The following RELN variants were observed in gnomAD, a reference collection of about 807,000 sequenced individuals.
RELN encodes the protein reelin.
In RELN, 108 loss-of-function variants were observed where a neutral mutation model predicts 427.6. That is an observed-to-expected ratio of 0.25 (90% CI 0.22 to 0.30). The LOEUF is 0.30. RELN is among the 10% of genes least tolerant of loss of function. The pLI is 1.00. For synonymous variants in RELN, 1,524 were observed against 1,513.4 expected (o/e 1.01, Z -0.16); for missense variants, 3,715 against 4,302.8 (o/e 0.86, Z 3.82).
chr7:103,566,563 T>C (rs1830756356), intron 32 of RELN, 38 bp downstream of exon 32: 1 of 1,613,496 alleles, frequency 6.2e-7, no homozygotes, highest in Non-Finnish European at 8.5e-7. Context: ...CTTCATGACC[T>C]AAAAGCTACC....
chr7:103,580,877 G>A (rs1026053514), intron 28 of RELN, among the ~76,000 whole-genome samples: 2 of 152,162 alleles, frequency 1.3e-5, no homozygotes, highest in Admixed American at 6.6e-5. Context: ...TTGTAGCAAT[G>A]ATGTGCCACT....
intron 3 of RELN, among the ~76,000 whole-genome samples, chr7:103,830,218 G>C (rs1483261237): frequency 6.6e-6 from 1 of 151,860 alleles, no homozygotes; most frequent in Non-Finnish European, 1.5e-5. Context: ...TATTTATTGA[G>C]CACATTCTAT....
chr7:103,573,962 C>A lies in RELN; in HGVS notation c.4511+130G>T, dbSNP rs1830938534. ...AAAGCTAAAGTTATCTTCATTTTTA[C>A]ATATCATAATCTATATACAGAAACA... On this transcript the variant is annotated intron_variant, in intron 30 of 64. Coordinates refer to ENST00000428762, the MANE Select transcript of RELN (RefSeq NM_005045.4). The surrounding 1 kb of genome is among the most constrained non-coding windows in gnomAD (Gnocchi z 4.4). The A allele has an allele frequency of 1.3e-6, 1 of 785,658 alleles. No homozygotes were observed. The highest frequency in any genetic ancestry group is 2.1e-5 in the Admixed American group (1 of 46,584). 48.7% of individuals were successfully genotyped at this position (785,658 alleles called of 1,614,324 possible). A position where few individuals can be genotyped will look rare whatever the true frequency, so the allele number is the denominator to read the frequency against.
chr7:103,531,488 C>T (rs1829939136), intron 46 of RELN, among the ~76,000 whole-genome samples: 1 of 152,086 alleles, frequency 6.6e-6, no homozygotes, highest in African/African-American at 2.4e-5. Flanking sequence ...TTTCAGTGTT[C>T]CCTTCCTAGT....
At chr7:103,576,573 C>A (rs994918700) in intron 28 of RELN, among the ~76,000 whole-genome samples, 15 of 152,208 alleles carry the variant, frequency 9.9e-5, no homozygotes, top group Non-Finnish European at 2.9e-5. Flanking sequence ...TTATGGATAT[C>A]TGCAGAAGAG....
chr7:103,877,712 C>G (rs896342554), intron 2 of RELN, among the ~76,000 whole-genome samples: 1 of 152,086 alleles, frequency 6.6e-6, no homozygotes, highest in Non-Finnish European at 1.5e-5. Flanking sequence ...TTTCTCAGGA[C>G]TCCATCTTCC....
At chr7:103,821,636 A>G (rs1793017655) in intron 3 of RELN, among the ~76,000 whole-genome samples, 1 of 152,126 alleles carries the variant, frequency 6.6e-6, no homozygotes, top group African/African-American at 2.4e-5. Flanking sequence ...GCCATCTCAA[A>G]TCTGAGCATT....
chr7:103,498,141 G>C lies in RELN; in HGVS notation c.8779C>G (p.Leu2927Val). The change falls in exon 54 of 65, where the codon CTC becomes GTC. Residue 2927 changes from leucine (L) to valine (V), a missense_variant. Leu to Val is a conservative substitution (Grantham distance 32, BLOSUM62 1). Transcript: ENST00000428762. ...CTCACAGTGGATCCCCCAAAATAGA[G>C]TGCAGTGTCCTCGGCAAGAATTCCA... ...ECGILAEDTA[L>V]YFGGSTVRQA... 6.2e-7 allele frequency: 1 copy of C among 1,614,100 alleles called. No homozygotes were observed. Among genetic ancestry groups the C allele is most frequent in the Non-Finnish European group, 8.5e-7 (1 of 1,180,012 alleles).
intron 2 of RELN, among the ~76,000 whole-genome samples, chr7:103,834,696 G>T (rs960488582): frequency 5.9e-5 from 9 of 152,172 alleles, no homozygotes; most frequent in African/African-American, 1.9e-4. Context: ...CATATGAAAA[G>T]ATATTCAGGA....
At chr7:103,502,287 T>C (rs924510149) in intron 52 of RELN, among the ~76,000 whole-genome samples, 3 of 152,244 alleles carry the variant, frequency 2.0e-5, no homozygotes, top group Admixed American at 2.0e-4. Context: ...ATAATATCTA[T>C]GGGACACTGG....
At chr7:103,553,440 T>C in intron 40 of RELN, 21 bp downstream of exon 40, 2 of 1,554,032 alleles carry the variant, frequency 1.3e-6, no homozygotes, top group Middle Eastern at 1.7e-4. Context: ...AAAGCATTTA[T>C]TATAGAACAA....
At position 103,563,509 on chromosome 7, in the gene RELN, C is replaced by T. The variant is rs1441895666; in HGVS notation, c.5211-1556G>A. The stretch of plus-strand genomic sequence containing the variant: ...TGTTTTAAGCTGTTATCACAAGAGT[C>T]CAAAAGTTTTAAAAAAAGTTTATAT... On this transcript the variant is annotated intron_variant, in intron 34 of 64. Coordinates refer to ENST00000428762, the MANE Select transcript of RELN (RefSeq NM_005045.4). This position sits in a 1 kb window ranked among gnomAD's most constrained non-coding sequence, Gnocchi z 4.1. 6.6e-6 allele frequency among the ~76,000 whole-genome samples: 1 copy of T among 151,732 alleles called. No homozygotes were observed. The highest frequency in any genetic ancestry group is 2.4e-5 in the African/African-American group (1 of 41,260).
chr7:103,757,205 C>G (rs1214531435), intron 4 of RELN, among the ~76,000 whole-genome samples: 1 of 152,108 alleles, frequency 6.6e-6, no homozygotes, highest in African/African-American at 2.4e-5. Context: ...GTATAAAGGC[C>G]TTTACTCTTT....
At position 103,640,746 on chromosome 7, in the gene RELN, G is replaced by T; in HGVS notation, c.2003-137C>A. 1.2e-6 allele frequency: 1 copy of T among 800,750 alleles called. No individual in the cohort carries two copies. The highest frequency in any genetic ancestry group is 2.1e-6 in the Non-Finnish European group (1 of 474,986). 49.6% of individuals were successfully genotyped at this position (800,750 alleles called of 1,614,324 possible). A position where few individuals can be genotyped will look rare whatever the true frequency, so the allele number is the denominator to read the frequency against. On this transcript the variant is annotated intron_variant, in intron 16 of 64. Coordinates refer to ENST00000428762, the MANE Select transcript of RELN (RefSeq NM_005045.4). This position sits in a 1 kb window ranked among gnomAD's most constrained non-coding sequence, Gnocchi z 4.1. ...AACCCAGGGTGACATATGGAATGCTGTGTAATAAGGTAAGTGCTTAGTTAC... is the reference window on the plus strand; with the variant it reads ...AACCCAGGGTGACATATGGAATGCTTTGTAATAAGGTAAGTGCTTAGTTAC...
At chr7:103,793,165 A>G (rs1792209412) in intron 3 of RELN, among the ~76,000 whole-genome samples, 1 of 152,188 alleles carries the variant, frequency 6.6e-6, no homozygotes, top group African/African-American at 2.4e-5. Flanking sequence ...TTTGCAATGT[A>G]TAAGTAGTTC....
intron 3 of RELN, among the ~76,000 whole-genome samples, chr7:103,830,485 G>A (rs888268420): frequency 6.6e-6 from 1 of 151,688 alleles, no homozygotes; most frequent in African/African-American, 2.4e-5. Flanking sequence ...TCAGAAAAGA[G>A]AACCATGGTA....
chr7:103,972,766 T>C (rs944208638), intron 1 of RELN, among the ~76,000 whole-genome samples: 1 of 152,188 alleles, frequency 6.6e-6, no homozygotes, highest in Admixed American at 6.5e-5. Context: ...GCTTTAAAGC[T>C]AAATTAGAAA....
At chr7:103,868,803 C>T (rs770875744) in intron 2 of RELN, among the ~76,000 whole-genome samples, 5 of 152,042 alleles carry the variant, frequency 3.3e-5, no homozygotes, top group Non-Finnish European at 5.9e-5. Flanking sequence ...TTTATACTCA[C>T]GAAATGTTCC....
chr7:103,792,289 T>C (rs1792183680), intron 3 of RELN, among the ~76,000 whole-genome samples: 1 of 152,158 alleles, frequency 6.6e-6, no homozygotes. Context: ...GAAGCATTAT[T>C]AATAATAGGC....
Sources: allele counts gnomAD v4.1 joint callset (sites outside exome capture counted in the v4.1 genomes callset), GRCh38; gene constraint gnomAD v4.1.1; non-coding constraint Gnocchi (gnomAD v3.1); transcripts MANE v1.5; gene names NCBI Gene and HGNC (gene_info 2026-07-23, HGNC 2026-07-21).